The following CDKAL1 variants were observed in gnomAD, a reference collection of about 807,000 sequenced individuals.
CDKAL1 encodes the protein CDKAL1 threonylcarbamoyladenosine tRNA methylthiotransferase.
In CDKAL1, 32 loss-of-function variants were observed where a neutral mutation model predicts 68.2. The ratio of observed to expected loss-of-function variants is 0.47; its 90% CI spans 0.35 to 0.63. The LOEUF (loss-of-function observed/expected upper bound fraction) is 0.63, where lower values mean the gene tolerates loss of function less well. Ranked by LOEUF, CDKAL1 falls within the 30% of genes least tolerant of loss-of-function variation. The probability of loss-of-function intolerance (pLI) is 0.00; values close to 1 mark genes in which losing one functional copy is unlikely to be tolerated. For synonymous variants in CDKAL1, 234 were observed against 244.3 expected, an observed-to-expected ratio of 0.96 and a Z score of 0.39; for missense variants, 606 against 696.7, an observed-to-expected ratio of 0.87 and a Z score of 1.47.
chr6:20,855,593 G>A (rs1759294123), intron 9 of CDKAL1, among the ~76,000 whole-genome samples: 1 of 152,088 alleles, frequency 6.6e-6, no homozygotes, highest in Non-Finnish European at 1.5e-5. Flanking sequence ...CAGCCATTGG[G>A]GGCTGTAAAG....
At chr6:20,675,202 T>G (rs1300638081) in intron 5 of CDKAL1, among the ~76,000 whole-genome samples, 1 of 152,198 alleles carries the variant, frequency 6.6e-6, no homozygotes, top group Admixed American at 6.5e-5. Flanking sequence ...GTGTTATACT[T>G]GCTTCATTTA....
At chr6:20,632,695 A>G (rs1024493988) in intron 4 of CDKAL1, among the ~76,000 whole-genome samples, 1 of 152,140 alleles carries the variant, frequency 6.6e-6, no homozygotes, top group African/African-American at 2.4e-5. Flanking sequence ...TCATTCATGT[A>G]TTTATTCTTT....
chr6:21,050,051 A>G (rs1315253165), intron 11 of CDKAL1, among the ~76,000 whole-genome samples: 2 of 152,264 alleles, frequency 1.3e-5, no homozygotes. Flanking sequence ...AAAAGGTAAA[A>G]TTGTACCAAA....
At chr6:20,854,075 TACGATGAAA>T (rs1218474352) in intron 9 of CDKAL1, among the ~76,000 whole-genome samples, 2 of 152,184 alleles carry the variant, frequency 1.3e-5, no homozygotes, top group Non-Finnish European at 1.5e-5. Context: ...AGATAGGAAT[TACGATGAAA>T]ACCACATGGT....
intron 4 of CDKAL1, among the ~76,000 whole-genome samples, chr6:20,621,579 TCTC>T (rs1273465537): frequency 1.3e-5 from 2 of 152,178 alleles, no homozygotes; most frequent in South Asian, 2.1e-4. Context: ...ATTTGTGTCT[TCTC>T]CTGCATTTAT....
intron 5 of CDKAL1, among the ~76,000 whole-genome samples, chr6:20,685,145 T>G (rs982689477): frequency 6.6e-6 from 1 of 152,236 alleles, no homozygotes; most frequent in Non-Finnish European, 1.5e-5. Context: ...TGTTTTACAT[T>G]GAGGTCTGAG....
At chr6:21,165,316 G>A (rs183685219) in intron 13 of CDKAL1, among the ~76,000 whole-genome samples, 1 of 152,298 alleles carries the variant, frequency 6.6e-6, no homozygotes, top group African/African-American at 2.4e-5. Flanking sequence ...GATTTGTTGT[G>A]TTGTAGAGTA....
chr6:20,613,253 T>C (rs9368211), intron 4 of CDKAL1, among the ~76,000 whole-genome samples: 5,459 of 17,112 alleles, frequency 0.32, 254 homozygotes, highest in East Asian at 0.47. Context: ...TTCTTTCTTT[T>C]TTTTTTTTTT....
chr6:20,982,548 C>T (rs1455169007), intron 10 of CDKAL1, among the ~76,000 whole-genome samples: 2 of 150,626 alleles, frequency 1.3e-5, no homozygotes, highest in South Asian at 2.1e-4. Flanking sequence ...AAAGCCTGCT[C>T]TTAAAAAAAA....
chr6:20,570,109 A>C (rs1356434244), intron 4 of CDKAL1, among the ~76,000 whole-genome samples: 1 of 151,900 alleles, frequency 6.6e-6, no homozygotes, highest in African/African-American at 2.4e-5. Context: ...TAATTAATTA[A>C]TTTTTGTTGT....
chr6:21,186,528 C>T (rs1273769999), intron 13 of CDKAL1, among the ~76,000 whole-genome samples: 1 of 152,212 alleles, frequency 6.6e-6, no homozygotes, highest in Admixed American at 6.5e-5. Flanking sequence ...ATGGCCTCTC[C>T]TTGGTTGCCT....
At chr6:20,901,142 T>A (rs1761941561) in intron 9 of CDKAL1, among the ~76,000 whole-genome samples, 1 of 152,134 alleles carries the variant, frequency 6.6e-6, no homozygotes, top group Non-Finnish European at 1.5e-5. Flanking sequence ...AGAACGGGCA[T>A]GTGTCCGAGA....
intron 7 of CDKAL1, among the ~76,000 whole-genome samples, chr6:20,762,114 T>G (rs532556432): frequency 2.0e-4 from 31 of 152,288 alleles, no homozygotes; most frequent in Non-Finnish European, 2.9e-4. Flanking sequence ...TTAATGGTAA[T>G]TAACAGTGTG....
At chr6:20,664,722 G>A (rs1769445031) in intron 5 of CDKAL1, among the ~76,000 whole-genome samples, 1 of 152,080 alleles carries the variant, frequency 6.6e-6, no homozygotes, top group Non-Finnish European at 1.5e-5. Flanking sequence ...TAGAACTGGA[G>A]TGTATTCATT....
intron 10 of CDKAL1, chr6:20,993,393 G>A (rs1432479290): frequency 1.3e-5 from 2 of 151,878 alleles, no homozygotes; most frequent in Non-Finnish European, 2.9e-5. Context: ...TTTTGAACAT[G>A]CATGTACTTC....
chr6:20,853,775 C>G (rs1223027936), intron 9 of CDKAL1, among the ~76,000 whole-genome samples: 1 of 152,080 alleles, frequency 6.6e-6, no homozygotes, highest in Non-Finnish European at 1.5e-5. Flanking sequence ...AATTAAGAAC[C>G]ACTATTCTAG....
At chr6:20,823,525 T>C (rs6923264) in intron 8 of CDKAL1, among the ~76,000 whole-genome samples, 47,638 of 152,114 alleles carry the variant, frequency 0.31, 7,729 homozygotes, top group East Asian at 0.53. Context: ...GAGTGCAGCT[T>C]GCTGCCAGTG....
chr6:20,665,330 GA>G (rs60951799), intron 5 of CDKAL1, among the ~76,000 whole-genome samples: 32,063 of 151,550 alleles, frequency 0.21, 4,152 homozygotes, highest in East Asian at 0.38. Context: ...TTAATATAAG[GA>G]AAAAAAGAAA....
At chr6:20,622,754 A>G (rs1168182487) in intron 4 of CDKAL1, among the ~76,000 whole-genome samples, 1 of 151,562 alleles carries the variant, frequency 6.6e-6, no homozygotes, top group Non-Finnish European at 1.5e-5. Flanking sequence ...TTTGACCAAT[A>G]TTTTCTTTCC....
Sources: allele counts gnomAD v4.1 joint callset (sites outside exome capture counted in the v4.1 genomes callset), GRCh38; gene constraint gnomAD v4.1.1; transcripts MANE v1.5; gene names NCBI Gene and HGNC (gene_info 2026-07-23, HGNC 2026-07-21).